The following IQCF5 variants were observed in gnomAD, a reference collection of about 807,000 sequenced individuals.
IQCF5 encodes IQ domain-containing protein F5.
A neutral mutation model predicts 3.4 loss-of-function variants in IQCF5; 2 were observed. The observed-to-expected ratio is 0.58, with a 90% CI of 0.24 to 1.84. IQCF5 has a LOEUF of 1.84. IQCF5 is among the 40% of genes most tolerant of loss of function. The pLI is 0.17. For synonymous variants in IQCF5, 58 were observed against 64.7 expected (o/e 0.90, Z 0.49); for missense variants, 167 against 191.6 (o/e 0.87, Z 0.76).
rs1439153992 is a variant in IQCF5 at position 51,873,917 on chromosome 3, CAG to C, written c.261_262del (p.Tyr87Ter). On this transcript the variant is annotated stop_gained and frameshift_variant, in exon 2 of 2. Coordinates refer to ENST00000446461, the MANE Select transcript of IQCF5 (RefSeq NM_001145059.2). LOFTEE classifies it low-confidence loss of function (END_TRUNC). ...GATGCGGACAGCGTTGAGCAAACGACAGTAACGCTGGCGGACACACCACATGC... is the reference window on the plus strand; with the variant it reads ...GATGCGGACAGCGTTGAGCAAACGACTAACGCTGGCGGACACACCACATGC... 1 of 1,551,730 alleles carries C rather than the reference CAG, an allele frequency of 6.4e-7. No individual in the cohort carries two copies. Among genetic ancestry groups the C allele is most frequent in the African/African-American group, 1.4e-5 (1 of 73,066 alleles).
chr3:51,873,872 C>T lies in IQCF5; in HGVS notation c.308G>A (p.Trp103Ter). Reference sequence around the variant, plus strand: ...AAAGACACGGGAATGGCAGCTGTGCCAGCGCCAATAGACCTGGATGATGCG... The same window carrying T: ...AAAGACACGGGAATGGCAGCTGTGCTAGCGCCAATAGACCTGGATGATGCG... ...AVRIIQVYWR[W>*]HSCHSRVFIE... Residue 103 changes from tryptophan to a stop codon, truncating the protein, a stop_gained, in exon 2 of 2, where the codon TGG becomes TAG. Transcript: ENST00000446461. LOFTEE classifies it low-confidence loss of function (END_TRUNC). The T allele has an allele frequency of 6.4e-7, 1 of 1,551,754 alleles. No homozygotes were observed. Among genetic ancestry groups the T allele is most frequent in the Non-Finnish European group, 8.7e-7 (1 of 1,147,002 alleles).
At chr3:51,875,241 A>T in intron 1 of IQCF5, 1 of 497,808 alleles carries the variant, frequency 2.0e-6, no homozygotes, top group Non-Finnish European at 3.6e-6. Context: ...GATCATTTAA[A>T]ACAGCTTGCC....
chr3:51,874,635 C>T (rs1351990635), intron 1 of IQCF5: 16 of 363,658 alleles, frequency 4.4e-5, no homozygotes, highest in Middle Eastern at 1.9e-3. Flanking sequence ...GTAACAGATT[C>T]CTCCACCTCA....
chr3:51,875,467 C>A (rs1698786047), intron 1 of IQCF5, 61 bp downstream of exon 1: 1 of 1,545,604 alleles, frequency 6.5e-7, no homozygotes, highest in Non-Finnish European at 8.8e-7. Flanking sequence ...CTGCCTCTTA[C>A]AAAACATCTG....
intron 1 of IQCF5, 132 bp downstream of exon 1, chr3:51,875,396 G>A: frequency 3.1e-6 from 3 of 954,804 alleles, no homozygotes; most frequent in Admixed American, 2.0e-5. Flanking sequence ...ATGGAGGGGG[G>A]TCCTGTCATG....
chr3:51,874,095 G>C lies in IQCF5; in HGVS notation c.85C>G (p.Arg29Gly), dbSNP rs368521801. The change falls in exon 2 of 2, where the codon CGC becomes GGC. Residue 29 changes from arginine (R) to glycine (G), a missense_variant. By Grantham distance (125) the Arg-to-Gly change is moderately radical (BLOSUM62 -2). Transcript: ENST00000446461. ...CTGAGGGCTGCATGCAGCAGTGTGCGTCGCACCAGCATGCCCCGCCACCAG... is the reference window on the plus strand; with the variant it reads ...CTGAGGGCTGCATGCAGCAGTGTGCCTCGCACCAGCATGCCCCGCCACCAG... ...QAWWRGMLVR[R>G]TLLHAALRAW... 2.6e-6 allele frequency: 4 copies of C among 1,552,744 alleles called. No homozygotes were observed. The Admixed American group carries it at 5.9e-5, about 23-fold the overall frequency.
Position 51,874,033 on chromosome 3 carries a change from C to T in IQCF5, c.147G>A (p.Leu49=), listed in dbSNP as rs140052899. ...WIIQCWWRQV[L]EKLLAKRRRM... Reference sequence around the variant, plus strand: ...TCCGCCTCTTTGCCAGCAGCTTCTCCAGCACCTGCCTCCACCAGCACTGAA... The same window carrying T: ...TCCGCCTCTTTGCCAGCAGCTTCTCTAGCACCTGCCTCCACCAGCACTGAA... Residue 49 remains leucine, a synonymous_variant, in exon 2 of 2, where the codon CTG becomes CTA. Coordinates refer to ENST00000446461, the MANE Select transcript of IQCF5 (RefSeq NM_001145059.2). 6.4e-7 allele frequency: 1 copy of T among 1,553,228 alleles called. No homozygotes were observed.
In IQCF5 at chr3:51,873,993, AC is replaced by A. The variant is rs1698768142; in HGVS notation, c.186del (p.Glu62AspfsTer85). On this transcript the variant is annotated frameshift_variant, in exon 2 of 2. Transcript: ENST00000446461. LOFTEE classifies it low-confidence loss of function (END_TRUNC). ...LLAKRRRMVL[E>X]FYVQQEWAAV... ...GCTGCCCATTCCTGCTGCACATAGA[AC>A]TCCAACACCATCCTCCGCCTCTTTG... 6 of 1,551,958 alleles carry A rather than the reference AC, an allele frequency of 3.9e-6. No homozygotes were observed. Among genetic ancestry groups the A allele is most frequent in the Non-Finnish European group, 5.2e-6 (6 of 1,147,212 alleles).
rs1416718086 is a variant in IQCF5, at chr3:51,873,942, T to G, written c.238A>C (p.Met80Leu). 2 of 1,551,864 alleles carry G rather than the reference T, an allele frequency of 1.3e-6. No individual in the cohort carries two copies. The part of the protein sequence containing the change: ...AAVRLQSWVR[M>L]WCVRQRYCRL... ...CAGTAACGCTGGCGGACACACCACA[T>G]GCGGACCCAGGACTGCAGCCTGACT... Residue 80 changes from methionine (M) to leucine (L), a missense_variant, in exon 2 of 2, where the codon ATG becomes CTG. Physicochemically the swap from Met to Leu is conservative, Grantham distance 15. Coordinates refer to ENST00000446461, the MANE Select transcript of IQCF5 (RefSeq NM_001145059.2).
chr3:51,875,344 C>T lies in IQCF5; in HGVS notation c.4+184G>A, dbSNP rs563959142. 2.7e-5 allele frequency: 18 copies of T among 674,370 alleles called. No individual in the cohort carries two copies. The South Asian group carries it at 2.9e-4, about 11-fold the overall frequency. The allele number at this position is 674,370 out of a possible 1,614,324, so 41.8% of individuals were successfully genotyped here. ...GGTGCCAAGTCAAACACCATTCTCA[C>T]TGTTTCTAGACAGCTTCCTGGCTTT... On this transcript the variant is annotated intron_variant, in intron 1 of 1. Transcript: ENST00000446461.
intron 1 of IQCF5, chr3:51,874,743 T>TC: frequency 1.1e-5 from 3 of 283,892 alleles, no homozygotes; most frequent in Non-Finnish European, 1.4e-5. Flanking sequence ...GGTCCTGCAT[T>TC]CCCCACAGTC....
chr3:51,873,761 T>A lies in IQCF5; in HGVS notation c.419A>T (p.Gln140Leu). The change falls in exon 2 of 2, where the codon CAA (glutamine) becomes CTA (leucine). Residue 140 changes from glutamine (Q) to leucine (L), a missense_variant. Physicochemically the swap from Gln to Leu is moderately radical, Grantham distance 113 (BLOSUM62 -2). Transcript: ENST00000446461. ...SLGLQACKVQ[Q>L]CIPLPLKE ...TTCTTTTAATGGAAGGGGTATGCAT[T>A]GTTGCACCTTACAAGCCTGTAAGCC... is the stretch of plus-strand genomic sequence containing the variant. 6.4e-7 allele frequency: 1 copy of A among 1,551,662 alleles called. No individual in the cohort carries two copies. Among genetic ancestry groups the A allele is most frequent in the Non-Finnish European group, 8.7e-7 (1 of 1,146,942 alleles).
chr3:51,873,721 T>C lies in IQCF5; in HGVS notation c.*12A>G. ...ATGAAGAGAGCTGGGGACACAGATATAGCAGACCTGGTCATTCTTTTAATG... is the reference window on the plus strand; with the variant it reads ...ATGAAGAGAGCTGGGGACACAGATACAGCAGACCTGGTCATTCTTTTAATG... On this transcript the variant is annotated 3_prime_UTR_variant, in exon 2 of 2. Transcript: ENST00000446461. 1 of 1,534,432 alleles carries C rather than the reference T, an allele frequency of 6.5e-7. No homozygotes were observed. The highest frequency in any genetic ancestry group is 1.2e-5 in the South Asian group (1 of 83,256).
rs1253100959 is a variant in IQCF5 at position 51,874,140 on chromosome 3, C to T, written c.40G>A (p.Ala14Thr). The T allele has an allele frequency of 5.8e-6, 9 of 1,551,978 alleles. No individual in the cohort carries two copies. The highest frequency in any genetic ancestry group is 7.8e-6 in the Non-Finnish European group (9 of 1,147,084). Residue 14 changes from alanine (A) to threonine (T), a missense_variant, in exon 2 of 2, where the codon GCA (alanine) becomes ACA (threonine). Ala to Thr is a moderately conservative substitution (Grantham distance 58). Coordinates refer to ENST00000446461, the MANE Select transcript of IQCF5 (RefSeq NM_001145059.2). Reference protein sequence around the residue: ...EEKTIMTERSAAVFIQAWWRG... With the variant: ...EEKTIMTERSTAVFIQAWWRG... ...CACCAGGCCTGGATGAAAACAGCTG[C>T]AGACCTTTCTGTCATGATGGTCTTC...
chr3:51,874,869 A>G, intron 1 of IQCF5: 1 of 175,742 alleles, frequency 5.7e-6, no homozygotes, highest in Non-Finnish European at 1.2e-5. Flanking sequence ...CTGACAAGAA[A>G]ATGGGGGCAA....
rs1381077899 is a variant in IQCF5, at chr3:51,874,052, C to A, written c.128G>T (p.Cys43Phe). Residue 43 changes from cysteine to phenylalanine, a missense_variant, in exon 2 of 2, where the codon TGC becomes TTC. Cys to Phe is a radical substitution (Grantham distance 205). Transcript: ENST00000446461. ...CTTCTCCAGCACCTGCCTCCACCAG[C>A]ACTGAATGATCCAAGCCCTGAGGGC... ...HAALRAWIIQ[C>F]WWRQVLEKLL... 2 of 1,553,290 alleles carry A rather than the reference C, an allele frequency of 1.3e-6. No individual in the cohort carries two copies. The highest frequency in any genetic ancestry group is 1.7e-6 in the Non-Finnish European group (2 of 1,147,880).
chr3:51,874,308 C>T (rs781417783), intron 1 of IQCF5, 133 bp from the exon 2 acceptor site: 19 of 867,452 alleles, frequency 2.2e-5, no homozygotes, highest in Middle Eastern at 2.1e-4. Flanking sequence ...GGTAGGTGTC[C>T]CCCCTCTGCC....
At position 51,875,544 on chromosome 3, in the gene IQCF5, G is replaced by T. The variant is rs1480108602; in HGVS notation, c.-13C>A. ...CTAAATTACCCATGGTTAGGGGCTA[G>T]ATGGTCCCATCACCCTCCGGCCCGC... On this transcript the variant is annotated 5_prime_UTR_variant, in exon 1 of 2. Coordinates refer to ENST00000446461, the MANE Select transcript of IQCF5 (RefSeq NM_001145059.2). 1.9e-6 allele frequency: 3 copies of T among 1,552,116 alleles called. No individual in the cohort carries two copies. Among genetic ancestry groups the T allele is most frequent in the Non-Finnish European group, 2.6e-6 (3 of 1,147,090 alleles).
chr3:51,874,270 C>T, intron 1 of IQCF5, 95 bp from the exon 2 acceptor site: 1 of 1,273,840 alleles, frequency 7.9e-7, no homozygotes, highest in East Asian at 2.5e-5. Flanking sequence ...CAGCACTGGG[C>T]AGGGCAACAG....
Sources: gnomAD v4.1 joint callset for allele counts on GRCh38, gnomAD v4.1.1 for gene constraint, MANE v1.5 for transcripts, NCBI Gene and HGNC (gene_info 2026-07-23, HGNC 2026-07-21) for gene names.